S100A13: variants seen among roughly 807,000 people sequenced by gnomAD.
S100A13 encodes S100 calcium binding protein A13, also known as protein S100-A13.
Under a neutral mutation model 8.2 loss-of-function variants are expected in S100A13, and 6 were observed. That is an observed-to-expected ratio of 0.73 (90% CI 0.40 to 1.44). S100A13 has a LOEUF of 1.44. Among genes scored for constraint, S100A13 ranks in the 40% most tolerant of loss-of-function variants. S100A13 has a pLI of 0.02. For synonymous variants in S100A13, 39 were observed against 45.9 expected (o/e 0.85, Z 0.61); for missense variants, 114 against 113.6 (o/e 1.00, Z -0.02).
upstream of S100A13, chr1:153,630,302 T>C: frequency 3.3e-6 from 2 of 603,438 alleles, no homozygotes; most frequent in Non-Finnish European, 5.6e-6. Context: ...GGGTACAGAC[T>C]GAGGGACACA....
chr1:153,627,871 A>G, upstream of S100A13: 1 of 692,928 alleles, frequency 1.4e-6, no homozygotes, highest in Non-Finnish European at 2.4e-6. Flanking sequence ...AATCTGAGAC[A>G]CACACAGAGG....
chr1:153,633,307 C>G (rs529577377), upstream of S100A13: 1 of 152,172 alleles, frequency 6.6e-6, no homozygotes, highest in Admixed American at 6.5e-5. Context: ...TGATTCATTG[C>G]GCCACTGACT....
Position 153,621,805 on chromosome 1 carries a change from C to G in S100A13, c.154-2767G>C, listed in dbSNP as rs146334013. ...CCCAAGAGGTGGAGGTTGCAGTGAG[C>G]CGAGATCACACCACTGCACTCCAGC... On this transcript the variant is annotated intron_variant, in intron 2 of 2. Coordinates refer to ENST00000476133, the MANE Select transcript of S100A13 (RefSeq NM_001024211.2). Among the ~76,000 whole-genome samples, 822 of 151,714 alleles carry G rather than the reference C, an allele frequency of 5.4e-3. 10 individuals are homozygous for G. The highest frequency in any genetic ancestry group is 0.019 in the African/African-American group (776 of 41,338).
intron 2 of S100A13, among the ~76,000 whole-genome samples, chr1:153,620,694 T>C (rs1051805896): frequency 6.6e-6 from 1 of 152,198 alleles, no homozygotes; most frequent in African/African-American, 2.4e-5. Flanking sequence ...GTATTACAAG[T>C]AACCTAGAGT....
At chr1:153,624,749 G>A (rs575853992) in intron 2 of S100A13, among the ~76,000 whole-genome samples, 2 of 152,206 alleles carry the variant, frequency 1.3e-5, no homozygotes, top group East Asian at 3.9e-4. Flanking sequence ...GACCAGCTTG[G>A]GAAACACAGA....
At chr1:153,632,033 C>G, upstream of S100A13, 1 of 624,174 alleles carries the variant, frequency 1.6e-6, no homozygotes. Flanking sequence ...TTCTCTCTCA[C>G]CAGCCATCCG....
upstream of S100A13, among the ~76,000 whole-genome samples, chr1:153,632,793 G>C (rs1210964164): frequency 6.6e-6 from 1 of 152,138 alleles, no homozygotes; most frequent in African/African-American, 2.4e-5. Flanking sequence ...CGTGCCAGTG[G>C]AGCAGAGGAA....
upstream of S100A13, chr1:153,631,080 T>A: frequency 3.4e-6 from 1 of 292,596 alleles, no homozygotes; most frequent in Non-Finnish European, 6.4e-6. Flanking sequence ...GAAGATTATC[T>A]GGGTAAATGC....
At chr1:153,621,689 AAAAGAAAG>A (rs746812067) in intron 2 of S100A13, among the ~76,000 whole-genome samples, 3 of 149,638 alleles carry the variant, frequency 2.0e-5, no homozygotes, top group South Asian at 4.2e-4. Flanking sequence ...CTCAAAAAAA[AAAAGAAAG>A]AAAGAAAGAA....
upstream of S100A13, chr1:153,629,683 C>G (rs920840580): frequency 6.6e-6 from 1 of 152,378 alleles, no homozygotes. Flanking sequence ...CCACTATCCC[C>G]GAATCAACCA....
chr1:153,620,344 C>T (rs918552100), intron 2 of S100A13, among the ~76,000 whole-genome samples: 5 of 151,362 alleles, frequency 3.3e-5, no homozygotes, highest in Non-Finnish European at 5.9e-5. Flanking sequence ...ACCCGTAGTC[C>T]CAACTACTTG....
upstream of S100A13, chr1:153,628,449 C>T: frequency 6.4e-7 from 1 of 1,550,786 alleles, no homozygotes; most frequent in Non-Finnish European, 8.7e-7. Context: ...CATTTGCAAC[C>T]TTGGCCATCT....
chr1:153,629,271 C>T (rs541673086), upstream of S100A13: 17 of 152,384 alleles, frequency 1.1e-4, no homozygotes, highest in African/African-American at 3.9e-4. Flanking sequence ...ACCCCTCCCT[C>T]AAGCACCCCT....
At chr1:153,619,269 G>A (rs564694590) in intron 2 of S100A13, among the ~76,000 whole-genome samples, 52 of 152,312 alleles carry the variant, frequency 3.4e-4, no homozygotes, top group Non-Finnish European at 5.9e-4. Context: ...AGTGCTTGCC[G>A]TTGTGTAAAT....
At chr1:153,624,930 C>A (rs543919718) in intron 2 of S100A13, among the ~76,000 whole-genome samples, 1 of 152,116 alleles carries the variant, frequency 6.6e-6, no homozygotes, top group Non-Finnish European at 1.5e-5. Flanking sequence ...CAAAAATTAT[C>A]CAGGCATGGT....
chr1:153,621,854 C>A (rs1443200356), intron 2 of S100A13, among the ~76,000 whole-genome samples: 1 of 150,322 alleles, frequency 6.7e-6, no homozygotes, highest in African/African-American at 2.4e-5. Context: ...CAGAGTGAGA[C>A]CTCGTCTCAA....
upstream of S100A13, chr1:153,628,678 G>A: frequency 9.5e-7 from 1 of 1,053,334 alleles, no homozygotes; most frequent in Non-Finnish European, 1.3e-6. Flanking sequence ...GTGGTGATGA[G>A]AGACAAATGA....
intron 2 of S100A13, among the ~76,000 whole-genome samples, chr1:153,621,641 C>G (rs1667257540): frequency 6.7e-6 from 1 of 149,226 alleles, no homozygotes; most frequent in African/African-American, 2.5e-5. Context: ...ACTGTGGAAG[C>G]TTTGTTCTTT....
upstream of S100A13, chr1:153,630,099 T>C (rs1667919677): frequency 4.1e-6 from 1 of 241,870 alleles, no homozygotes; most frequent in Admixed American, 5.5e-5. Flanking sequence ...AGCTTGGCTA[T>C]GCTAGACAGG....
Sources: gnomAD v4.1 joint callset for allele counts (sites outside exome capture counted in the v4.1 genomes callset) on GRCh38, gnomAD v4.1.1 for gene constraint, MANE v1.5 for transcripts, NCBI Gene and HGNC (gene_info 2026-07-23, HGNC 2026-07-21) for gene names.